GPR158: variants seen among roughly 807,000 people sequenced by gnomAD.
The protein encoded by GPR158 is G protein-coupled receptor 158, also known as metabotropic glycine receptor.
GPR158 carries 30 observed loss-of-function variants against 78.2 expected under a neutral mutation model. That is an observed-to-expected ratio of 0.38 (90% CI 0.29 to 0.52). The LOEUF is 0.52. GPR158 is among the 20% of genes least tolerant of loss of function. GPR158 has a pLI of 0.83. For synonymous variants in GPR158, 581 were observed against 591.1 expected (o/e 0.98, Z 0.25); for missense variants, 1,463 against 1,523.5 (o/e 0.96, Z 0.66).
At chr10:25,252,890 A>G (rs1243382677) in intron 2 of GPR158, among the ~76,000 whole-genome samples, 1 of 152,182 alleles carries the variant, frequency 6.6e-6, no homozygotes, top group Non-Finnish European at 1.5e-5. Context: ...AGCCTGGGCA[A>G]TGGCGGGCGC....
At chr10:25,532,100 T>A (rs1836430969) in intron 5 of GPR158, among the ~76,000 whole-genome samples, 1 of 152,212 alleles carries the variant, frequency 6.6e-6, no homozygotes, top group Admixed American at 6.5e-5. Flanking sequence ...ATTTCTAGTG[T>A]AATTTGTGGT....
At chr10:25,258,774 C>G (rs1046622043) in intron 2 of GPR158, among the ~76,000 whole-genome samples, 3 of 152,084 alleles carry the variant, frequency 2.0e-5, no homozygotes, top group Non-Finnish European at 4.4e-5. Context: ...GGGGCACCAA[C>G]CGCCTGTACA....
intron 5 of GPR158, among the ~76,000 whole-genome samples, chr10:25,529,551 G>A (rs1420100142): frequency 6.6e-6 from 1 of 152,152 alleles, no homozygotes; most frequent in Non-Finnish European, 1.5e-5. Flanking sequence ...CCGTTACTCA[G>A]ATATTGCCTT....
chr10:25,277,273 C>G lies in GPR158; in HGVS notation c.1008+56116C>G, dbSNP rs545436493. Among the ~76,000 whole-genome samples the G allele has an allele frequency of 1.4e-4, 21 of 152,084 alleles. No homozygotes were observed. In the South Asian group the frequency reaches 4.4e-3, roughly 32 times the overall value. On this transcript the variant is annotated intron_variant, in intron 2 of 10. Transcript: ENST00000376351. ...AGCTCACCTATTCATTTATTTTATT[C>G]TTTGTAAAGAAAACTAAAACAGTAA...
chr10:25,523,206 G>T, intron 5 of GPR158, among the ~76,000 whole-genome samples: 1 of 152,216 alleles, frequency 6.6e-6, no homozygotes, highest in East Asian at 1.9e-4. Context: ...TCTCACTGCA[G>T]TGGGAGCCCT....
intron 2 of GPR158, among the ~76,000 whole-genome samples, chr10:25,289,152 A>C (rs4749018): frequency 0.055 from 8,310 of 152,218 alleles, 454 homozygotes; most frequent in East Asian, 0.27. Flanking sequence ...CATTTACCCA[A>C]AAACATTTAT....
chr10:25,582,269 A>G (rs750323576), intron 7 of GPR158, among the ~76,000 whole-genome samples: 1 of 152,188 alleles, frequency 6.6e-6, no homozygotes, highest in Non-Finnish European at 1.5e-5. Flanking sequence ...GAGGACTTCC[A>G]TCTGAGTCTG....
At chr10:25,539,711 A>G (rs1836549681) in intron 5 of GPR158, among the ~76,000 whole-genome samples, 1 of 152,100 alleles carries the variant, frequency 6.6e-6, no homozygotes, top group African/African-American at 2.4e-5. Flanking sequence ...ATAGGAGCCA[A>G]ATATTAAGTT....
In GPR158 at chr10:25,294,035, C is replaced by T. The variant is rs151259501; in HGVS notation, c.1008+72878C>T. ...GCGGGATTACAGGCCTGAGCCACTG[C>T]GCCCAACCGAAACCTGTAATCTTAT... On this transcript the variant is annotated intron_variant, in intron 2 of 10. Transcript: ENST00000376351. Among the ~76,000 whole-genome samples the T allele has an allele frequency of 3.5e-3, 530 of 152,264 alleles. 7 individuals carry two copies. Among genetic ancestry groups the T allele is most frequent in the African/African-American group, 0.012 (505 of 41,554 alleles).
At chr10:25,386,397 A>G (rs1834222052) in intron 2 of GPR158, among the ~76,000 whole-genome samples, 1 of 152,076 alleles carries the variant, frequency 6.6e-6, no homozygotes, top group Non-Finnish European at 1.5e-5. Context: ...GTTCTTTTTC[A>G]AGATTGTTTT....
intron 7 of GPR158, among the ~76,000 whole-genome samples, chr10:25,575,452 G>T (rs12359026): frequency 0.26 from 39,278 of 151,890 alleles, 5,948 homozygotes; most frequent in South Asian, 0.39. Context: ...CCGCAGCAGC[G>T]GCATCACCTG....
At chr10:25,567,940 A>G (rs1165541893) in intron 6 of GPR158, among the ~76,000 whole-genome samples, 2 of 152,176 alleles carry the variant, frequency 1.3e-5, no homozygotes, top group African/African-American at 4.8e-5. Flanking sequence ...GATGGAGAAA[A>G]ATAGAAGAAT....
Position 25,596,704 on chromosome 10 carries a change from T to C in GPR158, c.2060T>C (p.Leu687Pro). ...DIATEAYEDE[L>P]DMGRSGSYLN... ...GCTACAGAAGCATATGAGGATGAGC[T>C]AGACATGGGCCGATCTGGATCCTAC... The change falls in exon 10 of 11, where the codon CTA (leucine) becomes CCA (proline). Residue 687 changes from leucine to proline, a missense_variant. By Grantham distance (98) the Leu-to-Pro change is moderately conservative. Coordinates refer to ENST00000376351, the MANE Select transcript of GPR158 (RefSeq NM_020752.3). 1.9e-6 allele frequency: 3 copies of C among 1,613,586 alleles called. No homozygotes were observed. The highest frequency in any genetic ancestry group is 2.5e-6 in the Non-Finnish European group (3 of 1,179,568).
chr10:25,443,817 T>C (rs1250493924), intron 4 of GPR158, among the ~76,000 whole-genome samples: 1 of 151,958 alleles, frequency 6.6e-6, no homozygotes, highest in Non-Finnish European at 1.5e-5. Context: ...CATCACCCCA[T>C]GTAGTCAGCT....
intron 4 of GPR158, among the ~76,000 whole-genome samples, chr10:25,452,713 AG>A (rs1459611708): frequency 1.3e-5 from 2 of 152,218 alleles, no homozygotes; most frequent in African/African-American, 4.8e-5. Flanking sequence ...TAATTGACAA[AG>A]ATGGTATATA....
intron 2 of GPR158, among the ~76,000 whole-genome samples, chr10:25,259,819 A>G (rs1259542722): frequency 3.3e-5 from 5 of 152,084 alleles, no homozygotes; most frequent in African/African-American, 7.2e-5. Context: ...ATTTATTCCT[A>G]TCTACTTTAT....
intron 2 of GPR158, among the ~76,000 whole-genome samples, chr10:25,303,583 T>G (rs1161789718): frequency 6.6e-6 from 1 of 152,256 alleles, no homozygotes; most frequent in East Asian, 1.9e-4. Context: ...AAACCGTTAA[T>G]AAGTTAATAT....
intron 5 of GPR158, among the ~76,000 whole-genome samples, chr10:25,522,519 G>A (rs781753331): frequency 6.6e-6 from 1 of 152,146 alleles, no homozygotes; most frequent in African/African-American, 2.4e-5. Flanking sequence ...ATGTTGGGGG[G>A]AAATGACTAA....
intron 2 of GPR158, among the ~76,000 whole-genome samples, chr10:25,286,150 T>C (rs549610362): frequency 5.5e-4 from 83 of 152,274 alleles, no homozygotes; most frequent in African/African-American, 1.9e-3. Context: ...TATTTTAGTA[T>C]ATATTTTACT....
Sources: allele counts gnomAD v4.1 joint callset (sites outside exome capture counted in the v4.1 genomes callset), GRCh38; gene constraint gnomAD v4.1.1; transcripts MANE v1.5; gene names NCBI Gene and HGNC (gene_info 2026-07-23, HGNC 2026-07-21).